PBX4: variants seen among roughly 807,000 people sequenced by gnomAD.
PBX4 encodes PBX homeobox 4, also known as pre-B-cell leukemia transcription factor 4.
PBX4 carries 26 observed loss-of-function variants against 35.1 expected under a neutral mutation model. The observed-to-expected ratio is 0.74, with a 90% CI of 0.54 to 1.03. PBX4 has a LOEUF of 1.03. PBX4 is among the 50% of genes least tolerant of loss of function. PBX4 has a pLI of 0.00. For synonymous variants in PBX4, 199 were observed against 204.2 expected, an observed-to-expected ratio of 0.97 and a Z score of 0.22; for missense variants, 448 against 504.3, an observed-to-expected ratio of 0.89 and a Z score of 1.07.
In PBX4 at chr19:19,570,108, C is replaced by T. The variant is rs370373187; in HGVS notation, c.632+1G>A. ...GGTTTTGGGTACGTACAGGCCCTGA[C>T]CTGGCATCGAGCAGCCGCGAACGCA... On this transcript the variant is annotated splice_donor_variant, in intron 4 of 7. Transcript: ENST00000251203. LOFTEE classifies it high-confidence loss of function. 5.4e-5 allele frequency: 86 copies of T among 1,597,372 alleles called. No individual in the cohort carries two copies. The Admixed American group carries it at 1.4e-3, about 26-fold the overall frequency.
chr19:19,576,092 CATTTATGT>C (rs61261217), intron 2 of PBX4, among the ~76,000 whole-genome samples: 28,193 of 152,000 alleles, frequency 0.19, 3,221 homozygotes, highest in East Asian at 0.29. Flanking sequence ...TTCATTCATT[CATTTATGT>C]ATTTAGGGGC....
At chr19:19,588,061 C>T (rs1250149030) in intron 2 of PBX4, 32 of 686,980 alleles carry the variant, frequency 4.7e-5, no homozygotes, top group Non-Finnish European at 7.6e-5. Flanking sequence ...TGATGTGGGG[C>T]GGTGGGGAGG....
At chr19:19,578,755 C>T (rs1268627688) in intron 2 of PBX4, among the ~76,000 whole-genome samples, 1 of 152,210 alleles carries the variant, frequency 6.6e-6, no homozygotes, top group East Asian at 1.9e-4. Flanking sequence ...GTTTGTGTCA[C>T]CTCCAAATTC....
rs1440690335 is a variant in PBX4, at chr19:19,583,227, C to T, written c.194-12394G>A. On this transcript the variant is annotated intron_variant, in intron 2 of 7. Transcript: ENST00000251203. ...CTGGGAGGTGGAGCTTGCAGTGGGC[C>T]GAGATCGTGCCATTGCACTCCAGCC... Among the ~76,000 whole-genome samples the T allele has an allele frequency of 2.0e-5, 3 of 152,106 alleles. 1 individual carries two copies. Among genetic ancestry groups the T allele is most frequent in the South Asian group, 4.1e-4 (2 of 4,820 alleles).
In PBX4 at chr19:19,594,395, T is replaced by TA. The variant is rs140724783; in HGVS notation, c.193+4896dup. ...TAGGCAACAAGAGTGAAACTCTGTC[T>TA]AAAAAAAAAAAAAAAAGAGTCCTGA... On this transcript the variant is annotated intron_variant, in intron 2 of 7. Transcript: ENST00000251203. Among the ~76,000 whole-genome samples the TA allele has an allele frequency of 1.5e-3, 193 of 126,276 alleles. 1 individual carries two copies. The highest frequency in any genetic ancestry group is 4.8e-3 in the East Asian group (21 of 4,344). The allele number at this position is 126,276 out of a possible 152,430, so 82.8% of individuals were successfully genotyped here. A position where few individuals can be genotyped will look rare whatever the true frequency, so the allele number is the denominator to read the frequency against.
chr19:19,570,318 C>A lies in PBX4; in HGVS notation c.442-19G>T. ...GACAGGCCTGGGGTGGGAGCACAGA[C>A]ACGCCGGCCTGTGACTAGGCAGCAG... On this transcript the variant is annotated intron_variant, in intron 3 of 7. Transcript: ENST00000251203. 6.3e-7 allele frequency: 1 copy of A among 1,580,030 alleles called. No individual in the cohort carries two copies. Among genetic ancestry groups the A allele is most frequent in the South Asian group, 1.2e-5 (1 of 86,422 alleles).
intron 1 of PBX4, among the ~76,000 whole-genome samples, chr19:19,600,962 T>C (rs1380286163): frequency 2.0e-5 from 3 of 152,348 alleles, no homozygotes; most frequent in South Asian, 2.1e-4. Flanking sequence ...CCAGTGTCAC[T>C]TGGCAGGTGT....
chr19:19,611,805 C>T (rs1267475517), intron 1 of PBX4, among the ~76,000 whole-genome samples: 1 of 152,006 alleles, frequency 6.6e-6, no homozygotes, highest in African/African-American at 2.4e-5. Flanking sequence ...GGTATGCCAT[C>T]TCACACACCA....
At chr19:19,599,411 C>T in intron 1 of PBX4, 46 bp from the exon 2 acceptor site, 1 of 1,502,118 alleles carries the variant, frequency 6.7e-7, no homozygotes. Context: ...GAATAGTCAT[C>T]ATCTTGTCCC....
chr19:19,612,267 ACT>A (rs1007893520), intron 1 of PBX4, among the ~76,000 whole-genome samples: 22 of 152,204 alleles, frequency 1.4e-4, no homozygotes, highest in African/African-American at 4.1e-4. Flanking sequence ...ACAGAGTGAG[ACT>A]CTGTCTCAAG....
At chr19:19,581,658 G>A (rs1315903130) in intron 2 of PBX4, among the ~76,000 whole-genome samples, 1 of 152,166 alleles carries the variant, frequency 6.6e-6, no homozygotes, top group African/African-American at 2.4e-5. Context: ...CAAAGGCCAC[G>A]CTGCAGGAGG....
chr19:19,601,737 G>A (rs1306323603), intron 1 of PBX4, among the ~76,000 whole-genome samples: 1 of 152,122 alleles, frequency 6.6e-6, no homozygotes, highest in East Asian at 1.9e-4. Context: ...AAGGGACCAT[G>A]AGCAAGGAAT....
At chr19:19,583,727 A>T (rs920701791) in intron 2 of PBX4, among the ~76,000 whole-genome samples, 2 of 151,858 alleles carry the variant, frequency 1.3e-5, no homozygotes, top group Non-Finnish European at 2.9e-5. Flanking sequence ...GGTTGGGGGG[A>T]ATCACCTGAG....
At position 19,563,529 on chromosome 19, in the gene PBX4, C is replaced by T. The variant is rs1050467693; in HGVS notation, c.1012G>A (p.Gly338Arg). Residue 338 changes from glycine (G) to arginine (R), a missense_variant, in exon 7 of 8, where the codon GGA becomes AGA. By Grantham distance (125) the Gly-to-Arg change is moderately radical (BLOSUM62 -2). Transcript: ENST00000251203. The surrounding 1 kb of genome is among the most constrained non-coding windows in gnomAD (Gnocchi z 5.1). Reference protein sequence around the residue: ...TLASLQPPPGGGCLQSQAQGS... With the variant: ...TLASLQPPPGRGCLQSQAQGS... Reference sequence around the variant, plus strand: ...CTCACCTGGGACTGCAGGCAGCCTCCCCCAGGAGGAGGCTGGAGAGAGGCC... The same window carrying T: ...CTCACCTGGGACTGCAGGCAGCCTCTCCCAGGAGGAGGCTGGAGAGAGGCC... 2.6e-6 allele frequency: 4 copies of T among 1,550,336 alleles called. No individual in the cohort carries two copies. The highest frequency in any genetic ancestry group is 3.5e-6 in the Non-Finnish European group (4 of 1,146,816).
chr19:19,573,327 AT>A (rs1305348956), intron 2 of PBX4, among the ~76,000 whole-genome samples: 1,768 of 94,346 alleles, frequency 0.019, 74 homozygotes, highest in African/African-American at 0.072. Flanking sequence ...AAAAAAAAAA[AT>A]ATACACACAC....
intron 2 of PBX4, among the ~76,000 whole-genome samples, chr19:19,578,740 C>T (rs1383198139): frequency 6.6e-6 from 1 of 152,122 alleles, no homozygotes; most frequent in African/African-American, 2.4e-5. Flanking sequence ...TGCTGTGAGC[C>T]GAATGTTTGT....
chr19:19,605,845 T>A, intron 1 of PBX4, among the ~76,000 whole-genome samples: 1 of 151,484 alleles, frequency 6.6e-6, no homozygotes, highest in African/African-American at 2.4e-5. Flanking sequence ...CTAGGATTTT[T>A]TTTTTTTTTT....
intron 2 of PBX4, chr19:19,588,357 T>C: frequency 3.9e-6 from 5 of 1,298,660 alleles, no homozygotes; most frequent in Non-Finnish European, 5.6e-6. Flanking sequence ...CACACAGTCA[T>C]CTGATGGCAA....
chr19:19,574,999 T>C (rs2061410294), intron 2 of PBX4, among the ~76,000 whole-genome samples: 1 of 151,928 alleles, frequency 6.6e-6, no homozygotes, highest in Non-Finnish European at 1.5e-5. Context: ...GACTCAATTT[T>C]CTAACAATCT....
Sources: gnomAD v4.1 joint callset for allele counts (sites outside exome capture counted in the v4.1 genomes callset) on GRCh38, gnomAD v4.1.1 for gene constraint, Gnocchi (gnomAD v3.1) non-coding constraint, MANE v1.5 for transcripts, NCBI Gene and HGNC (gene_info 2026-07-23, HGNC 2026-07-21) for gene names.